SH3RF2: variants seen among roughly 807,000 people sequenced by gnomAD.
SH3RF2 encodes the protein E3 ubiquitin-protein ligase SH3RF2.
In SH3RF2, 43 loss-of-function variants were observed where a neutral mutation model predicts 59.0. The ratio of observed to expected loss-of-function variants is 0.73; its 90% CI spans 0.57 to 0.94. SH3RF2 has a LOEUF of 0.94. Among genes scored for constraint, SH3RF2 ranks in the 40% least tolerant of loss-of-function variants. The pLI, the probability that SH3RF2 is intolerant of heterozygous loss-of-function variation, is 0.00. For synonymous variants in SH3RF2, 391 were observed against 391.5 expected (o/e 1.00, Z 0.01); for missense variants, 930 against 940.1 (o/e 0.99, Z 0.14).
chr5:146,078,138 A>G (rs1052208161), intron 9 of SH3RF2, among the ~76,000 whole-genome samples: 1 of 152,260 alleles, frequency 6.6e-6, no homozygotes, highest in African/African-American at 2.4e-5. Context: ...GGCAATAACC[A>G]TGAATGAATA....
chr5:146,071,232 AG>A (rs908319954), intron 9 of SH3RF2, among the ~76,000 whole-genome samples: 2 of 152,208 alleles, frequency 1.3e-5, no homozygotes, highest in Admixed American at 1.3e-4. Flanking sequence ...TGCCTTCAAA[AG>A]GTTGTACCCA....
intron 5 of SH3RF2, among the ~76,000 whole-genome samples, chr5:146,038,798 A>C (rs1762029609): frequency 2.6e-5 from 4 of 152,206 alleles, no homozygotes; most frequent in Admixed American, 2.6e-4. Context: ...GTTTTTATGA[A>C]ACTCAAAAGG....
At chr5:146,026,694 G>A (rs956568083) in intron 5 of SH3RF2, among the ~76,000 whole-genome samples, 2 of 152,134 alleles carry the variant, frequency 1.3e-5, no homozygotes, top group African/African-American at 4.8e-5. Context: ...CTCAGCACAG[G>A]CAGTATAGTA....
At position 146,053,050 on chromosome 5, in the gene SH3RF2, C is replaced by T. The variant is rs571319343; in HGVS notation, c.1323-2931C>T. The stretch of plus-strand genomic sequence containing the variant: ...AAAGGTGTGAGCATTTGAACCTATG[C>T]TCTTATTAACATCATCACCTAATGA... On this transcript the variant is annotated intron_variant, in intron 7 of 9. Coordinates refer to ENST00000359120, the MANE Select transcript of SH3RF2 (RefSeq NM_152550.4). Among the ~76,000 whole-genome samples, 3 of 152,234 alleles carry T rather than the reference C, an allele frequency of 2.0e-5. No homozygotes were observed. The South Asian group carries it at 6.2e-4, about 32-fold the overall frequency.
At chr5:146,026,652 T>C (rs952421872) in intron 5 of SH3RF2, among the ~76,000 whole-genome samples, 3 of 152,160 alleles carry the variant, frequency 2.0e-5, no homozygotes, top group African/African-American at 7.2e-5. Context: ...CCGCAGGTAT[T>C]GGGTAGAGCT....
chr5:145,997,770 A>G, intron 2 of SH3RF2: 1 of 1,572,534 alleles, frequency 6.4e-7, no homozygotes, highest in South Asian at 1.1e-5. Context: ...CAGCAAAAAA[A>G]GAGTCACTCC....
intron 5 of SH3RF2, among the ~76,000 whole-genome samples, chr5:146,029,488 C>T (rs148498846): frequency 4.6e-5 from 7 of 152,304 alleles, no homozygotes; most frequent in African/African-American, 1.7e-4. Context: ...TTTGCCATCC[C>T]CACATAGGCC....
At chr5:145,940,197 A>C (rs1301254053) in intron 2 of SH3RF2, among the ~76,000 whole-genome samples, 1 of 152,218 alleles carries the variant, frequency 6.6e-6, no homozygotes, top group Non-Finnish European at 1.5e-5. Flanking sequence ...GGTGAGGCTG[A>C]AACTCAAGGG....
chr5:146,037,755 T>C (rs1209540535), intron 5 of SH3RF2, among the ~76,000 whole-genome samples: 1 of 152,184 alleles, frequency 6.6e-6, no homozygotes, highest in Non-Finnish European at 1.5e-5. Context: ...TTTCACACTT[T>C]CAAGGAAGAG....
At chr5:146,009,011 A>G (rs1317125007) in intron 4 of SH3RF2, among the ~76,000 whole-genome samples, 1 of 152,192 alleles carries the variant, frequency 6.6e-6, no homozygotes, top group African/African-American at 2.4e-5. Flanking sequence ...GATGTGCCAG[A>G]GCTTGTTCAT....
intron 3 of SH3RF2, among the ~76,000 whole-genome samples, chr5:146,001,134 CA>C (rs1248984271): frequency 6.6e-6 from 1 of 152,164 alleles, no homozygotes; most frequent in African/African-American, 2.4e-5. Context: ...CTCTCTTTTT[CA>C]TTAGATGATT....
At chr5:145,983,289 T>A (rs1759574073) in intron 2 of SH3RF2, among the ~76,000 whole-genome samples, 1 of 149,378 alleles carries the variant, frequency 6.7e-6, no homozygotes, top group Non-Finnish European at 1.5e-5. Flanking sequence ...CAGCATTTAC[T>A]GAGTGAGGGC....
Position 145,956,941 on chromosome 5 carries a change from G to T in SH3RF2, c.378+18635G>T, listed in dbSNP as rs368966364. ...TGGAGAAGAAGGTTGTGCTAGAATT[G>T]GTATAAACTGTAGCAACTCATGTCT... is the stretch of plus-strand genomic sequence containing the variant. On this transcript the variant is annotated intron_variant, in intron 2 of 9. Coordinates refer to ENST00000359120, the MANE Select transcript of SH3RF2 (RefSeq NM_152550.4). Among the ~76,000 whole-genome samples the T allele has an allele frequency of 2.6e-4, 40 of 152,300 alleles. No homozygotes were observed. The South Asian group carries it at 8.1e-3, about 31-fold the overall frequency.
At chr5:145,962,800 C>T (rs1282495494) in intron 2 of SH3RF2, among the ~76,000 whole-genome samples, 1 of 151,668 alleles carries the variant, frequency 6.6e-6, no homozygotes, top group Non-Finnish European at 1.5e-5. Flanking sequence ...TCCATTGTAA[C>T]ACCTATCTCC....
intron 1 of SH3RF2, among the ~76,000 whole-genome samples, chr5:145,937,408 AG>A (rs910306565): frequency 6.8e-4 from 103 of 152,298 alleles, no homozygotes; most frequent in African/African-American, 2.4e-3. Context: ...ATTTAGATTT[AG>A]GGGAAGGAGG....
intron 5 of SH3RF2, among the ~76,000 whole-genome samples, chr5:146,034,936 T>C (rs1761877931): frequency 6.6e-6 from 1 of 152,126 alleles, no homozygotes; most frequent in Non-Finnish European, 1.5e-5. Context: ...TGAAACCCCA[T>C]CTCTACTAAA....
intron 1 of SH3RF2, chr5:145,937,240 A>G (rs1757623535): frequency 6.6e-6 from 1 of 152,174 alleles, no homozygotes; most frequent in South Asian, 2.1e-4. Flanking sequence ...TTAAGGCAAA[A>G]CAATTTTTGG....
chr5:145,945,014 G>A (rs1364281594), intron 2 of SH3RF2, among the ~76,000 whole-genome samples: 3 of 152,044 alleles, frequency 2.0e-5, no homozygotes, highest in Non-Finnish European at 4.4e-5. Context: ...AAGACTAATT[G>A]GTAAACCAAC....
intron 2 of SH3RF2, among the ~76,000 whole-genome samples, chr5:145,996,382 G>A (rs1760152627): frequency 6.6e-6 from 1 of 152,178 alleles, no homozygotes; most frequent in Admixed American, 6.5e-5. Flanking sequence ...AGAACTTGCA[G>A]TTTACCCAGC....
Sources: gnomAD v4.1 joint callset for allele counts (sites outside exome capture counted in the v4.1 genomes callset) on GRCh38, gnomAD v4.1.1 for gene constraint, MANE v1.5 for transcripts, NCBI Gene and HGNC (gene_info 2026-07-23, HGNC 2026-07-21) for gene names.